Variants in NLRC5 observed in about 807,000 individuals in gnomAD.
The protein encoded by NLRC5 is protein NLRC5.
In NLRC5, 114 loss-of-function variants were observed where a neutral mutation model predicts 206.9. The ratio of observed to expected loss-of-function variants is 0.55; its 90% CI spans 0.47 to 0.64. The LOEUF is 0.64. Among genes scored for constraint, NLRC5 ranks in the 30% least tolerant of loss-of-function variants. NLRC5 has a pLI of 0.00. For missense variants in NLRC5, 2,008 were observed against 2,305.5 expected (o/e 0.87, Z 2.64); for synonymous variants, 952 against 962.8 (o/e 0.99, Z 0.21).
rs77796033 is a variant in NLRC5, at chr16:57,075,005, C to CTTTTTTT, written c.4751+358_4751+364dup. ...GGTCTGGAATTCTGCCTAGACTGTG[C>CTTTTTTT]TTTTTTTTTTTTTTTTTTTTTTTTT... On this transcript the variant is annotated intron_variant, in intron 39 of 48. Transcript: ENST00000688547. Among the ~76,000 whole-genome samples, 57 of 58,104 alleles carry CTTTTTTT rather than the reference C, an allele frequency of 9.8e-4. 21 individuals carry two copies. The highest frequency in any genetic ancestry group is 1.7e-3 in the African/African-American group (24 of 14,294). The allele number at this position is 58,104 out of a possible 152,430, so 38.1% of individuals were successfully genotyped here. A position where few individuals can be genotyped will look rare whatever the true frequency, so the allele number is the denominator to read the frequency against.
chr16:57,070,387 G>C, intron 37 of NLRC5, 148 bp from the exon 38 acceptor site: 2 of 650,944 alleles, frequency 3.1e-6, no homozygotes, highest in Non-Finnish European at 5.4e-6. Flanking sequence ...ATACCCATGG[G>C]GAACCTGGAC....
intron 28 of NLRC5, chr16:57,058,532 A>C: frequency 3.1e-6 from 1 of 324,506 alleles, no homozygotes; most frequent in Non-Finnish European, 5.8e-6. Flanking sequence ...GTGGAACATA[A>C]ATGTGGAGAT....
At chr16:57,030,648 ATG>A in intron 10 of NLRC5, among the ~76,000 whole-genome samples, 2 of 151,900 alleles carry the variant, frequency 1.3e-5, no homozygotes, top group African/African-American at 4.8e-5. Context: ...GGATGGATGG[ATG>A]GATGGATGGA....
At chr16:57,031,282 C>G in intron 10 of NLRC5, 122 bp from the exon 11 acceptor site, 1 of 1,008,478 alleles carries the variant, frequency 9.9e-7, no homozygotes, top group Non-Finnish European at 1.5e-6. Context: ...GTTTCCCTGT[C>G]AATTGCAAAA....
chr16:57,040,896 C>T (rs1469855998), intron 17 of NLRC5, among the ~76,000 whole-genome samples, 178 bp downstream of exon 17: 1 of 152,148 alleles, frequency 6.6e-6, no homozygotes, highest in Non-Finnish European at 1.5e-5. Context: ...CAGCCCACCC[C>T]AGACAGGGCT....
At chr16:57,015,784 G>C (rs1012903234) in intron 1 of NLRC5, among the ~76,000 whole-genome samples, 1 of 151,232 alleles carries the variant, frequency 6.6e-6, no homozygotes, top group African/African-American at 2.4e-5. Flanking sequence ...AAAATTAGCC[G>C]GGTGTAGTGG....
At chr16:57,013,605 G>A (rs1428537923) in intron 1 of NLRC5, 2 of 1,119,040 alleles carry the variant, frequency 1.8e-6, no homozygotes, top group Non-Finnish European at 2.7e-6. Context: ...TGATTTTCAA[G>A]CAAGGTCATT....
At chr16:57,020,642 C>T in intron 2 of NLRC5, 59 bp from the exon 3 acceptor site, 3 of 1,125,496 alleles carry the variant, frequency 2.7e-6, no homozygotes, top group Non-Finnish European at 2.4e-6. Context: ...TGTCCCTCAG[C>T]TCATCTGCCC....
At chr16:57,061,388 A>C in intron 30 of NLRC5, 60 bp from the exon 31 acceptor site, 1 of 1,526,452 alleles carries the variant, frequency 6.6e-7, no homozygotes, top group South Asian at 1.1e-5. Flanking sequence ...GGCTGAGATG[A>C]AGCTGAGCAG....
At chr16:56,989,898 G>A (rs2056597015) in intron 1 of NLRC5, among the ~76,000 whole-genome samples, 1 of 152,214 alleles carries the variant, frequency 6.6e-6, no homozygotes, top group Non-Finnish European at 1.5e-5. Context: ...GGGGGACACA[G>A]TAAGCGGCTG....
chr16:56,995,952 G>A lies in NLRC5; in HGVS notation c.-128+6335G>A, dbSNP rs189654471. Among the ~76,000 whole-genome samples the A allele has an allele frequency of 1.5e-4, 23 of 152,254 alleles. No homozygotes were observed. In the East Asian group the frequency reaches 1.5e-3, roughly 10 times the overall value. On this transcript the variant is annotated intron_variant, in intron 1 of 48. Transcript: ENST00000688547. ...AGAGGGCATCCGATTCCATTGAATC[G>A]TAAAGTGACAAATTTGTTCCCTTTT...
chr16:57,026,455 G>A lies in NLRC5; in HGVS notation c.1512G>A (p.Gly504=), dbSNP rs761610736. The change falls in exon 6 of 49, where the codon GGG becomes GGA. Residue 504 remains glycine, a synonymous_variant. Coordinates refer to ENST00000688547, the MANE Select transcript of NLRC5 (RefSeq NM_001384950.1). Reference sequence around the variant, plus strand: ...CCTTCTGCGTCTGCACAGGCCCTGGGCACCAGCAGACAGGCTATGCTTTCA... The same window carrying A: ...CCTTCTGCGTCTGCACAGGCCCTGGACACCAGCAGACAGGCTATGCTTTCA... ...LTSFCVCTGP[G]HQQTGYAFTH... 6 of 1,614,130 alleles carry A rather than the reference G, an allele frequency of 3.7e-6. No individual in the cohort carries two copies. In the East Asian group the frequency reaches 1.1e-4, roughly 30 times the overall value.
chr16:57,026,835 C>T lies in NLRC5; in HGVS notation c.1892C>T (p.Thr631Ile), dbSNP rs2061310232. 1 of 1,614,246 alleles carries T rather than the reference C, an allele frequency of 6.2e-7. No homozygotes were observed. Among genetic ancestry groups the T allele is most frequent in the East Asian group, 2.2e-5 (1 of 44,886 alleles). The change falls in exon 6 of 49, where the codon ACC (threonine) becomes ATC (isoleucine). Residue 631 changes from threonine (T) to isoleucine (I), a missense_variant. Coordinates refer to ENST00000688547, the MANE Select transcript of NLRC5 (RefSeq NM_001384950.1). ...ETQEPELASL[T>I]AQSLPYQLPF... is the part of the protein sequence containing the mutation. The stretch of plus-strand genomic sequence containing the variant: ...CAGGAGCCTGAGCTGGCCAGTCTCA[C>T]CGCACAAAGCCTCCCCTATCAACTG...
chr16:57,019,369 C>T (rs1298151465), intron 2 of NLRC5, among the ~76,000 whole-genome samples: 3 of 152,070 alleles, frequency 2.0e-5, no homozygotes, highest in African/African-American at 7.2e-5. Context: ...TGCACTCCAG[C>T]CTGGGTGACA....
At chr16:57,017,600 A>G (rs972804832) in intron 2 of NLRC5, among the ~76,000 whole-genome samples, 1 of 152,128 alleles carries the variant, frequency 6.6e-6, no homozygotes, top group Non-Finnish European at 1.5e-5. Context: ...GCTCCTCCAC[A>G]TCATCCTGTC....
At chr16:57,007,037 T>C (rs1251938780) in intron 1 of NLRC5, among the ~76,000 whole-genome samples, 1 of 152,138 alleles carries the variant, frequency 6.6e-6, no homozygotes, top group Non-Finnish European at 1.5e-5. Flanking sequence ...TAGTTTTTAA[T>C]GTAAATGTTC....
In NLRC5 at chr16:57,043,049, C is replaced by T. The variant is rs540390783; in HGVS notation, c.3114-466C>T. Among the ~76,000 whole-genome samples the T allele has an allele frequency of 8.5e-5, 13 of 152,238 alleles. No individual in the cohort carries two copies. In the East Asian group the frequency reaches 2.1e-3, roughly 25 times the overall value. ...TCCACACTCGCCCTACCAGTGTCCC[C>T]GTGGGAGGGGAGTGTAGCATTAAAT... On this transcript the variant is annotated intron_variant, in intron 19 of 48. Coordinates refer to ENST00000688547, the MANE Select transcript of NLRC5 (RefSeq NM_001384950.1).
chr16:57,028,746 A>G (rs1053740177), intron 8 of NLRC5, among the ~76,000 whole-genome samples: 1 of 152,236 alleles, frequency 6.6e-6, no homozygotes, highest in Non-Finnish European at 1.5e-5. Flanking sequence ...ATTTGTTCAC[A>G]CATGTCTACA....
chr16:57,045,994 G>GC (rs573457548), intron 21 of NLRC5, among the ~76,000 whole-genome samples: 252 of 152,370 alleles, frequency 1.7e-3, no homozygotes, highest in Non-Finnish European at 3.2e-3. Flanking sequence ...AGGCCTCTTG[G>GC]CCTCACTTGG....
Sources: gnomAD v4.1 joint callset for allele counts (sites outside exome capture counted in the v4.1 genomes callset) on GRCh38, gnomAD v4.1.1 for gene constraint, MANE v1.5 for transcripts, NCBI Gene and HGNC (gene_info 2026-07-23, HGNC 2026-07-21) for gene names.